The following SCCPDH variants were observed in gnomAD, a reference collection of about 807,000 sequenced individuals.
SCCPDH encodes the protein saccharopine dehydrogenase (putative), also known as saccharopine dehydrogenase-like oxidoreductase.
A neutral mutation model predicts 51.5 loss-of-function variants in SCCPDH; 34 were observed. The observed-to-expected ratio is 0.66, with a 90% CI of 0.50 to 0.88. SCCPDH has a LOEUF of 0.88. SCCPDH is among the 40% of genes least tolerant of loss of function. The pLI is 0.00. For missense variants in SCCPDH, 464 were observed against 527.1 expected (o/e 0.88, Z 1.17); for synonymous variants, 187 against 191.3 (o/e 0.98, Z 0.19).
chr1:246,756,328 T>G (rs1284452336), intron 5 of SCCPDH, among the ~76,000 whole-genome samples: 1 of 152,152 alleles, frequency 6.6e-6, no homozygotes, highest in Admixed American at 6.5e-5. Flanking sequence ...GAAAAGAATT[T>G]TTCTTGATTA....
chr1:246,728,842 C>T (rs1427302974), intron 2 of SCCPDH, among the ~76,000 whole-genome samples: 1 of 152,178 alleles, frequency 6.6e-6, no homozygotes. Flanking sequence ...GGTCCTCTTC[C>T]TATTGGGCAC....
At chr1:246,752,031 C>T (rs896565241) in intron 5 of SCCPDH, among the ~76,000 whole-genome samples, 6 of 151,828 alleles carry the variant, frequency 4.0e-5, no homozygotes, top group African/African-American at 1.5e-4. Flanking sequence ...TCACCCGCCT[C>T]GGCCTCCCAA....
intron 2 of SCCPDH, among the ~76,000 whole-genome samples, chr1:246,727,844 G>A (rs1386662709): frequency 5.9e-5 from 9 of 152,160 alleles, no homozygotes; most frequent in African/African-American, 1.7e-4. Flanking sequence ...AGAGCAACCC[G>A]GGAGCTGGGT....
At chr1:246,756,477 A>G (rs184770052) in intron 5 of SCCPDH, among the ~76,000 whole-genome samples, 1 of 152,248 alleles carries the variant, frequency 6.6e-6, no homozygotes, top group East Asian at 1.9e-4. Flanking sequence ...ACGTCTCTAT[A>G]TTTTTCTGTG....
chr1:246,760,330 GT>G (rs1668993973), intron 9 of SCCPDH, 103 bp downstream of exon 9: 1 of 926,970 alleles, frequency 1.1e-6, no homozygotes. Context: ...ACTCTTTTAA[GT>G]TCTTTATGTA....
In SCCPDH at chr1:246,758,349, A is replaced by T; in HGVS notation, c.688A>T (p.Lys230Ter). Residue 230 changes from lysine (K) to a stop codon, truncating the protein, a stop_gained, in exon 6 of 12, where the codon AAG becomes TAG. Coordinates refer to ENST00000366510, the MANE Select transcript of SCCPDH (RefSeq NM_016002.3). LOFTEE classifies it high-confidence loss of function. Reference sequence around the variant, plus strand: ...TGTCCCGCTCATTGGTCCAAAATTGAAGAGAAGGTAAATTAACTTAAAATC... The same window carrying T: ...TGTCCCGCTCATTGGTCCAAAATTGTAGAGAAGGTAAATTAACTTAAAATC... ...KPVPLIGPKL[K>*]RRWPISYCRE... is the part of the protein sequence containing the mutation. The T allele has an allele frequency of 6.2e-7, 1 of 1,600,170 alleles. No individual in the cohort carries two copies. Among genetic ancestry groups the T allele is most frequent in the Non-Finnish European group, 8.5e-7 (1 of 1,174,902 alleles).
chr1:246,726,393 G>A (rs1300956755), intron 1 of SCCPDH, among the ~76,000 whole-genome samples: 1 of 150,636 alleles, frequency 6.6e-6, no homozygotes, highest in East Asian at 1.9e-4. Context: ...ATGCCACCAT[G>A]TCAGATAATT....
At chr1:246,762,956 A>G (rs894353622) in intron 9 of SCCPDH, among the ~76,000 whole-genome samples, 2 of 152,022 alleles carry the variant, frequency 1.3e-5, no homozygotes, top group African/African-American at 4.8e-5. Flanking sequence ...CTGAAAGCAT[A>G]GAGCAGTGGT....
At chr1:246,738,052 C>T (rs912614459) in intron 3 of SCCPDH, among the ~76,000 whole-genome samples, 2 of 151,906 alleles carry the variant, frequency 1.3e-5, no homozygotes, top group African/African-American at 2.4e-5. Context: ...AAAAATCAGC[C>T]AAGCATGGTG....
intron 5 of SCCPDH, among the ~76,000 whole-genome samples, chr1:246,745,705 G>C (rs904170725): frequency 6.6e-6 from 1 of 152,196 alleles, no homozygotes; most frequent in East Asian, 1.9e-4. Flanking sequence ...TCAGATTAAC[G>C]TAAAGAGGTA....
chr1:246,764,725 C>G (rs1434711428), intron 10 of SCCPDH, among the ~76,000 whole-genome samples: 1 of 152,116 alleles, frequency 6.6e-6, no homozygotes, highest in African/African-American at 2.4e-5. Flanking sequence ...CTCTGAACAC[C>G]CTGACATTGT....
At chr1:246,731,675 TAAGAA>T (rs1023315388) in intron 2 of SCCPDH, among the ~76,000 whole-genome samples, 8 of 152,258 alleles carry the variant, frequency 5.3e-5, no homozygotes, top group African/African-American at 1.9e-4. Flanking sequence ...TGTGACATGC[TAAGAA>T]ATTTGGACTT....
intron 1 of SCCPDH, among the ~76,000 whole-genome samples, chr1:246,725,481 A>T (rs958257812): frequency 1.4e-5 from 2 of 145,736 alleles, no homozygotes; most frequent in African/African-American, 5.4e-5. Flanking sequence ...AAATTTGGCT[A>T]TTAACTCCCG....
chr1:246,731,895 G>A (rs907094436), intron 2 of SCCPDH, among the ~76,000 whole-genome samples: 1 of 145,170 alleles, frequency 6.9e-6, no homozygotes, highest in Non-Finnish European at 1.5e-5. Flanking sequence ...CCCAGTGTAT[G>A]ATGTTCCCCA....
Position 246,736,822 on chromosome 1 carries a change from C to T in SCCPDH, c.384+767C>T, listed in dbSNP as rs983764217. Among the ~76,000 whole-genome samples the T allele has an allele frequency of 3.3e-5, 5 of 152,224 alleles. No individual in the cohort carries two copies. In the East Asian group the frequency reaches 7.7e-4, roughly 23 times the overall value. On this transcript the variant is annotated intron_variant, in intron 3 of 11. Coordinates refer to ENST00000366510, the MANE Select transcript of SCCPDH (RefSeq NM_016002.3). ...ATGTTCACATTTATTGAATGCTTACCATATGCCCAACATTGTGCTAAGTGT... is the reference window on the plus strand; with the variant it reads ...ATGTTCACATTTATTGAATGCTTACTATATGCCCAACATTGTGCTAAGTGT...
chr1:246,761,163 G>A (rs915492155), intron 9 of SCCPDH, among the ~76,000 whole-genome samples: 2 of 151,528 alleles, frequency 1.3e-5, no homozygotes, highest in Admixed American at 6.6e-5. Flanking sequence ...TGGATGATAT[G>A]TTCCCTGTAC....
intron 2 of SCCPDH, among the ~76,000 whole-genome samples, chr1:246,732,366 A>G (rs1366616389): frequency 2.6e-5 from 4 of 151,962 alleles, no homozygotes; most frequent in Non-Finnish European, 2.9e-5. Context: ...GACTTCCAGG[A>G]TAGGTAGCAT....
intron 5 of SCCPDH, among the ~76,000 whole-genome samples, chr1:246,746,306 A>C (rs1289074937): frequency 6.6e-6 from 1 of 152,022 alleles, no homozygotes; most frequent in Non-Finnish European, 1.5e-5. Context: ...GGCTGCATGC[A>C]CCGGCAATCA....
At chr1:246,752,344 G>C (rs1175137602) in intron 5 of SCCPDH, among the ~76,000 whole-genome samples, 1 of 152,170 alleles carries the variant, frequency 6.6e-6, no homozygotes, top group Non-Finnish European at 1.5e-5. Flanking sequence ...ATGTGTCCTA[G>C]GTTTTCCCTA....
Sources: allele counts gnomAD v4.1 joint callset (sites outside exome capture counted in the v4.1 genomes callset), GRCh38; gene constraint gnomAD v4.1.1; transcripts MANE v1.5; gene names NCBI Gene and HGNC (gene_info 2026-07-23, HGNC 2026-07-21).